BMP8A: variants seen among roughly 807,000 people sequenced by gnomAD.
BMP8A encodes the protein BMP-8A.
In BMP8A, 14 loss-of-function variants were observed where a neutral mutation model predicts 36.8. The observed-to-expected ratio is 0.38, with a 90% CI of 0.25 to 0.60. The LOEUF is 0.60. Among genes scored for constraint, BMP8A ranks in the 20% least tolerant of loss-of-function variants. The probability of loss-of-function intolerance (pLI) is 0.63; values close to 1 mark genes in which losing one functional copy is unlikely to be tolerated. For synonymous variants in BMP8A, 120 were observed against 237.7 expected (o/e 0.50, Z 4.55); for missense variants, 267 against 551.1 (o/e 0.48, Z 5.16).
chr1:39,495,139 G>A (rs546914074), intron 1 of BMP8A, among the ~76,000 whole-genome samples: 3 of 152,270 alleles, frequency 2.0e-5, no homozygotes, highest in East Asian at 3.9e-4. Flanking sequence ...TGGTGTCACT[G>A]CCCACACCCA....
At position 39,528,664 on chromosome 1, in the gene BMP8A, G is replaced by C. The variant is rs1028039365; in HGVS notation, c.*2866G>C. On this transcript the variant is annotated 3_prime_UTR_variant, in exon 7 of 7. Transcript: ENST00000331593. ...CTGTGAAAAGGAGAGGGCAGGTTTT[G>C]GAGCCAAGTCGACCTGGCATCAGGT... Among the ~76,000 whole-genome samples the C allele has an allele frequency of 1.3e-5, 2 of 151,308 alleles. No homozygotes were observed. The highest frequency in any genetic ancestry group is 2.9e-5 in the Non-Finnish European group (2 of 67,942).
At chr1:39,509,118 C>T (rs1645328173) in intron 1 of BMP8A, among the ~76,000 whole-genome samples, 1 of 152,134 alleles carries the variant, frequency 6.6e-6, no homozygotes, top group Non-Finnish European at 1.5e-5. Context: ...ACAGGGACAC[C>T]ACTGAGCCCC....
intron 4 of BMP8A, 27 bp from the exon 5 acceptor site, chr1:39,522,376 A>G: frequency 6.6e-7 from 1 of 1,508,410 alleles, no homozygotes; most frequent in Non-Finnish European, 9.1e-7. Flanking sequence ...AACCCCAGAA[A>G]AGACCTTGCC....
Position 39,521,332 on chromosome 1 carries a change from A to G in BMP8A, c.674-44A>G, listed in dbSNP as rs750494758. The G allele has an allele frequency of 9.3e-6, 10 of 1,070,898 alleles. 1 individual carries two copies. Among genetic ancestry groups the G allele is most frequent in the Non-Finnish European group, 1.2e-5 (10 of 805,226 alleles). The allele number at this position is 1,070,898 out of a possible 1,614,324, so 66.3% of individuals were successfully genotyped here. ...GAGAGACCGCTGCTGTGTCTGCTGC[A>G]GGGCCGCTGCCCGTGAGTGACCCCT... is the stretch of plus-strand genomic sequence containing the variant. On this transcript the variant is annotated intron_variant, in intron 3 of 6. Transcript: ENST00000331593.
chr1:39,511,839 G>GCAGTCAC lies in BMP8A; in HGVS notation c.608_609insCAGTCAC (p.Asp204SerfsTer3). 3 of 1,431,108 alleles carry GCAGTCAC rather than the reference G, an allele frequency of 2.1e-6. No individual in the cohort carries two copies. Among genetic ancestry groups the GCAGTCAC allele is most frequent in the Non-Finnish European group, 2.9e-6 (3 of 1,036,624 alleles). The allele number at this position is 1,431,108 out of a possible 1,614,324, so 88.7% of individuals were successfully genotyped here. On this transcript the variant is annotated frameshift_variant, in exon 3 of 7. Transcript: ENST00000331593. LOFTEE classifies it high-confidence loss of function. ...CTGGTGCTGGATGTCACAGCAGCCA[G>GCAGTCAC]TGACTGCTGGTTGCTGAAGCGTCAC...
intron 5 of BMP8A, among the ~76,000 whole-genome samples, 197 bp downstream of exon 5, chr1:39,522,679 A>T (rs1369972508): frequency 3.3e-5 from 5 of 152,162 alleles, no homozygotes; most frequent in South Asian, 4.2e-4. Flanking sequence ...TGTTTTTTTT[A>T]AAACCATGAA....
At position 39,511,272 on chromosome 1, in the gene BMP8A, G is replaced by A; in HGVS notation, c.433G>A (p.Glu145Lys). Residue 145 changes from glutamate (E) to lysine (K), a missense_variant, in exon 2 of 7, where the codon GAG becomes AAG. Coordinates refer to ENST00000331593, the MANE Select transcript of BMP8A (RefSeq NM_181809.4). ...IPAGEAVTAA[E>K]FRIYKVPSIH... ...GGCTGGGGAGGCGGTCACAGCTGCG[G>A]AGTTCCGGATTTACAAGGTGCCCAG... The A allele has an allele frequency of 1.6e-6, 2 of 1,269,868 alleles. No individual in the cohort carries two copies. Among genetic ancestry groups the A allele is most frequent in the Non-Finnish European group, 2.2e-6 (2 of 911,450 alleles). The allele number at this position is 1,269,868 out of a possible 1,614,324, so 78.7% of individuals were successfully genotyped here.
At chr1:39,495,530 G>C (rs1645197500) in intron 1 of BMP8A, among the ~76,000 whole-genome samples, 1 of 144,370 alleles carries the variant, frequency 6.9e-6, no homozygotes, top group South Asian at 2.3e-4. Flanking sequence ...TGGGAGGCAG[G>C]ACCCAGGTTC....
chr1:39,516,727 A>G (rs1239892046), intron 3 of BMP8A, among the ~76,000 whole-genome samples: 2 of 151,610 alleles, frequency 1.3e-5, no homozygotes, highest in African/African-American at 4.8e-5. Context: ...GTGGTGAGGA[A>G]TGGATGTCCG....
Position 39,504,589 on chromosome 1 carries a change from T to C in BMP8A, c.335-6585T>C, listed in dbSNP as rs114362935. 9.8e-3 allele frequency among the ~76,000 whole-genome samples: 1,492 copies of C among 152,092 alleles called. 22 individuals are homozygous for C. Among genetic ancestry groups the C allele is most frequent in the African/African-American group, 0.034 (1,425 of 41,376 alleles). ...CAGGGTCGTGGGTTCAAGCCCCACATTGGGCGTCAGATGAAGGGGGCCTGC... is the reference window on the plus strand; with the variant it reads ...CAGGGTCGTGGGTTCAAGCCCCACACTGGGCGTCAGATGAAGGGGGCCTGC... On this transcript the variant is annotated intron_variant, in intron 1 of 6. Transcript: ENST00000331593.
intron 1 of BMP8A, among the ~76,000 whole-genome samples, chr1:39,510,729 G>A (rs571294913): frequency 9.8e-5 from 15 of 152,334 alleles, no homozygotes; most frequent in South Asian, 4.1e-4. Flanking sequence ...CTGAGATGCC[G>A]TCGGTTATGT....
intron 3 of BMP8A, among the ~76,000 whole-genome samples, chr1:39,518,592 GC>G: frequency 7.9e-6 from 1 of 126,714 alleles, no homozygotes; most frequent in Non-Finnish European, 1.6e-5. Context: ...CAGCCTGAGA[GC>G]CCCCCACCTT....
rs1645482625 is a variant in BMP8A, at chr1:39,526,279, A to G, written c.*481A>G. On this transcript the variant is annotated 3_prime_UTR_variant, in exon 7 of 7. Coordinates refer to ENST00000331593, the MANE Select transcript of BMP8A (RefSeq NM_181809.4). ...TTCTGGGATTCTTCTCATTTGGTCC[A>G]GGGTGCAGTTAGCATATTAGAAAAA... Among the ~76,000 whole-genome samples, 1 of 152,024 alleles carries G rather than the reference A, an allele frequency of 6.6e-6. No individual in the cohort carries two copies. Among genetic ancestry groups the G allele is most frequent in the African/African-American group, 2.4e-5 (1 of 41,368 alleles).
intron 1 of BMP8A, among the ~76,000 whole-genome samples, chr1:39,494,367 A>G (rs1433600639): frequency 3.9e-5 from 4 of 102,042 alleles, no homozygotes; most frequent in African/African-American, 1.6e-4. Flanking sequence ...TTTTTTTTTT[A>G]AGAGGCAGGG....
In BMP8A at chr1:39,525,645, C is replaced by A; in HGVS notation, c.1060-4C>A. 1 of 1,613,666 alleles carries A rather than the reference C, an allele frequency of 6.2e-7. No homozygotes were observed. On this transcript the variant is annotated splice_polypyrimidine_tract_variant and splice_region_variant and intron_variant, in intron 6 of 6. Coordinates refer to ENST00000331593, the MANE Select transcript of BMP8A (RefSeq NM_181809.4). The stretch of plus-strand genomic sequence containing the variant: ...GCCCCTGCCTGTGCTCCCTTCCTGG[C>A]CAGGTGCACCTGATGAAGCCAAACG...
At chr1:39,518,064 G>C (rs1262353021) in intron 3 of BMP8A, among the ~76,000 whole-genome samples, 1 of 151,824 alleles carries the variant, frequency 6.6e-6, no homozygotes, top group African/African-American at 2.4e-5. Context: ...ATTTCCTCCT[G>C]AATCTATAGT....
intron 3 of BMP8A, chr1:39,515,638 G>C (rs1255385950): frequency 6.4e-7 from 1 of 1,569,644 alleles, no homozygotes; most frequent in South Asian, 1.1e-5. Context: ...AGAAGCGCCC[G>C]CAATTTCAAC....
chr1:39,504,672 T>G (rs928401919), intron 1 of BMP8A, among the ~76,000 whole-genome samples: 9 of 152,224 alleles, frequency 5.9e-5, no homozygotes, highest in African/African-American at 1.7e-4. Context: ...AGAAAAGAAA[T>G]AAGACACAGA....
In BMP8A at chr1:39,528,582, A is replaced by G. The variant is rs1307294059; in HGVS notation, c.*2784A>G. On this transcript the variant is annotated 3_prime_UTR_variant, in exon 7 of 7. Transcript: ENST00000331593. ...CAAAGTCCTGTTTCTTTGTCTTTAC[A>G]TAGGGACCGGGCGATGCGCTTTAGA... is the stretch of plus-strand genomic sequence containing the variant. 1.3e-5 allele frequency among the ~76,000 whole-genome samples: 2 copies of G among 152,318 alleles called. No homozygotes were observed. The highest frequency in any genetic ancestry group is 1.9e-4 in the East Asian group (1 of 5,182).
Sources: gnomAD v4.1 joint callset for allele counts (sites outside exome capture counted in the v4.1 genomes callset) on GRCh38, gnomAD v4.1.1 for gene constraint, MANE v1.5 for transcripts, NCBI Gene and HGNC (gene_info 2026-07-23, HGNC 2026-07-21) for gene names.